The following TMEM135 variants were observed in gnomAD, a reference collection of about 807,000 sequenced individuals.
TMEM135 encodes peroxisomal membrane protein 52.
TMEM135 carries 30 observed loss-of-function variants against 60.3 expected under a neutral mutation model. The ratio of observed to expected loss-of-function variants is 0.50; its 90% confidence interval spans 0.37 to 0.68. TMEM135 has a LOEUF of 0.68. Among genes scored for constraint, TMEM135 ranks in the 30% least tolerant of loss-of-function variants. TMEM135 has a pLI of 0.00. For synonymous variants in TMEM135, 190 were observed against 186.7 expected, an observed-to-expected ratio of 1.02 and a Z score of -0.14; for missense variants, 468 against 548.8, an observed-to-expected ratio of 0.85 and a Z score of 1.47.
intron 4 of TMEM135, among the ~76,000 whole-genome samples, chr11:87,120,110 C>CTTT (rs770897413): frequency 0.19 from 23,364 of 125,826 alleles, 2,656 homozygotes; most frequent in East Asian, 0.42. Context: ...TTTTTTTCTT[C>CTTT]TTCTTCTTTT....
At chr11:87,233,655 TA>T (rs1291390429) in intron 5 of TMEM135, among the ~76,000 whole-genome samples, 1 of 152,098 alleles carries the variant, frequency 6.6e-6, no homozygotes, top group African/African-American at 2.4e-5. Context: ...GTCCAGTAAC[TA>T]CAGTATTGGA....
At chr11:87,143,592 A>T (rs559734605) in intron 4 of TMEM135, among the ~76,000 whole-genome samples, 1 of 152,282 alleles carries the variant, frequency 6.6e-6, no homozygotes, top group African/African-American at 2.4e-5. Flanking sequence ...GGTGCAGCAA[A>T]CACACAGCAG....
At chr11:87,136,726 A>C (rs944312023) in intron 4 of TMEM135, among the ~76,000 whole-genome samples, 1 of 151,648 alleles carries the variant, frequency 6.6e-6, no homozygotes, top group Non-Finnish European at 1.5e-5. Context: ...GAGCTGTGGT[A>C]GTTTGTGTCT....
intron 14 of TMEM135, among the ~76,000 whole-genome samples, chr11:87,319,740 CAT>C (rs1228007014): frequency 6.6e-6 from 1 of 152,120 alleles, no homozygotes; most frequent in Non-Finnish European, 1.5e-5. Context: ...TGGAAATAGT[CAT>C]ATTGTGTTGC....
intron 4 of TMEM135, among the ~76,000 whole-genome samples, chr11:87,131,267 A>G (rs1011169164): frequency 6.6e-6 from 1 of 152,100 alleles, no homozygotes; most frequent in African/African-American, 2.4e-5. Flanking sequence ...GTGTAGTTCT[A>G]TGGGTTTGGA....
At chr11:87,306,053 A>G (rs1942537671) in intron 9 of TMEM135, 48 bp downstream of exon 9, 1 of 1,083,414 alleles carries the variant, frequency 9.2e-7, no homozygotes, top group Non-Finnish European at 1.3e-6. Flanking sequence ...GAATGGGTAT[A>G]GAAATTATTT....
intron 3 of TMEM135, among the ~76,000 whole-genome samples, chr11:87,083,988 A>G (rs1453856179): frequency 6.6e-6 from 1 of 152,010 alleles, no homozygotes; most frequent in African/African-American, 2.4e-5. Context: ...CATATATAGG[A>G]TATATACATA....
chr11:87,192,225 G>A (rs1939825354), intron 5 of TMEM135, among the ~76,000 whole-genome samples: 1 of 150,092 alleles, frequency 6.7e-6, no homozygotes, highest in Non-Finnish European at 1.5e-5. Flanking sequence ...TCCTAACTTC[G>A]TGATCCGCCC....
At chr11:87,133,401 C>T (rs945707882) in intron 4 of TMEM135, among the ~76,000 whole-genome samples, 1 of 152,102 alleles carries the variant, frequency 6.6e-6, no homozygotes, top group African/African-American at 2.4e-5. Flanking sequence ...GTCCTCCCCA[C>T]CACTCACATA....
Position 87,159,617 on chromosome 11 carries a change from A to ACACACACACACACACACACACCCC in TMEM135, c.462+2212_462+2213insACACACACACACACACACACCCCC, listed in dbSNP as rs140303858. Among the ~76,000 whole-genome samples the ACACACACACACACACACACACCCC allele has an allele frequency of 2.7e-5, 4 of 149,344 alleles. No homozygotes were observed. In the East Asian group the frequency reaches 6.0e-4, roughly 22 times the overall value. On this transcript the variant is annotated intron_variant, in intron 5 of 14. Transcript: ENST00000305494. Reference sequence around the variant, plus strand: ...CGCACACACACACACACACACACACACCATAGATTTTCCGAGACGGTTGGC... The same window carrying ACACACACACACACACACACACCCC: ...CGCACACACACACACACACACACACACACACACACACACACACACACCCCCCATAGATTTTCCGAGACGGTTGGC...
chr11:87,088,007 G>A lies in TMEM135; in HGVS notation c.363-3355G>A, dbSNP rs532812312. On this transcript the variant is annotated intron_variant, in intron 3 of 14. Coordinates refer to ENST00000305494, the MANE Select transcript of TMEM135 (RefSeq NM_022918.4). The stretch of plus-strand genomic sequence containing the variant: ...CCCTCCTTGGCCTCCTGAAGTGTTG[G>A]GATTACAGGTGTGAGCCACCACACC... Among the ~76,000 whole-genome samples the A allele has an allele frequency of 1.1e-4, 16 of 152,170 alleles. No homozygotes were observed. In the South Asian group the frequency reaches 1.9e-3, roughly 18 times the overall value.
chr11:87,094,396 A>G (rs1449166694), intron 4 of TMEM135, among the ~76,000 whole-genome samples: 1 of 152,156 alleles, frequency 6.6e-6, no homozygotes, highest in Non-Finnish European at 1.5e-5. Context: ...TCATTTTGTT[A>G]TAATTTTTCA....
chr11:87,085,062 T>A (rs2513204), intron 3 of TMEM135, among the ~76,000 whole-genome samples: 83,036 of 152,114 alleles, frequency 0.55, 23,435 homozygotes, highest in East Asian at 0.71. Context: ...AAACAATAAA[T>A]TGGCATTTAA....
At position 87,318,224 on chromosome 11, in the gene TMEM135, T is replaced by A; in HGVS notation, c.1165T>A (p.Cys389Ser). ...CATCTATTCCATCTCTACAGCAATTTGCTTCCAGGCAGTAAGTATAACTTT... is the reference window on the plus strand; with the variant it reads ...CATCTATTCCATCTCTACAGCAATTAGCTTCCAGGCAGTAAGTATAACTTT... ...TIIYSISTAICFQAAVMEVQT... is the reference protein window; with the variant it reads ...TIIYSISTAISFQAAVMEVQT... The change falls in exon 13 of 15, where the codon TGC becomes AGC. Residue 389 changes from cysteine to serine, a missense_variant. Transcript: ENST00000305494. 3.1e-6 allele frequency: 5 copies of A among 1,611,158 alleles called. No individual in the cohort carries two copies. The highest frequency in any genetic ancestry group is 4.2e-6 in the Non-Finnish European group (5 of 1,178,786).
chr11:87,120,555 T>G (rs1858028361), intron 4 of TMEM135, among the ~76,000 whole-genome samples: 1 of 141,944 alleles, frequency 7.0e-6, no homozygotes, highest in Non-Finnish European at 1.5e-5. Flanking sequence ...CACTGCAACC[T>G]CCACCTCCCT....
rs150178671 is a variant in TMEM135 at position 87,229,985 on chromosome 11, G to A, written c.463-6653G>A. Reference sequence around the variant, plus strand: ...TTTACCAGTTTAATATATCAGTTTCGTGGGTTTTTCAAATATTTACTGAGT... The same window carrying A: ...TTTACCAGTTTAATATATCAGTTTCATGGGTTTTTCAAATATTTACTGAGT... On this transcript the variant is annotated intron_variant, in intron 5 of 14. Coordinates refer to ENST00000305494, the MANE Select transcript of TMEM135 (RefSeq NM_022918.4). Among the ~76,000 whole-genome samples the A allele has an allele frequency of 2.0e-3, 301 of 152,002 alleles. 1 individual carries two copies. Among genetic ancestry groups the A allele is most frequent in the African/African-American group, 6.8e-3 (280 of 41,472 alleles).
intron 12 of TMEM135, among the ~76,000 whole-genome samples, chr11:87,317,647 C>T (rs1942755531): frequency 6.6e-6 from 1 of 151,998 alleles, no homozygotes; most frequent in African/African-American, 2.4e-5. Context: ...TATTTTAATG[C>T]CATGTTCTAG....
chr11:87,061,894 G>A (rs1311831443), intron 1 of TMEM135, among the ~76,000 whole-genome samples: 1 of 152,170 alleles, frequency 6.6e-6, no homozygotes, highest in South Asian at 2.1e-4. Context: ...TGTGCCCATC[G>A]TATTAGTCAG....
At chr11:87,306,715 GT>G (rs572616754) in intron 9 of TMEM135, among the ~76,000 whole-genome samples, 7 of 151,070 alleles carry the variant, frequency 4.6e-5, no homozygotes, top group South Asian at 4.2e-4. Context: ...AAGTTCTTTA[GT>G]TTTTTTTTCT....
Sources: allele counts gnomAD v4.1 joint callset (sites outside exome capture counted in the v4.1 genomes callset), GRCh38; gene constraint gnomAD v4.1.1; transcripts MANE v1.5; gene names NCBI Gene and HGNC (gene_info 2026-07-23, HGNC 2026-07-21).